PAK2: variants seen among roughly 807,000 people sequenced by gnomAD.
The protein encoded by PAK2 is p21 (RAC1) activated kinase 2, also known as serine/threonine-protein kinase PAK 2.
A neutral mutation model predicts 65.9 loss-of-function variants in PAK2; 21 were observed. That is an observed-to-expected ratio of 0.32 (90% CI 0.23 to 0.46). The LOEUF (loss-of-function observed/expected upper bound fraction) is 0.46, where lower values mean the gene tolerates loss of function less well. Among genes scored for constraint, PAK2 ranks in the 20% least tolerant of loss-of-function variants. The pLI, the probability that PAK2 is intolerant of heterozygous loss-of-function variation, is 1.00. For synonymous variants in PAK2, 204 were observed against 219.7 expected (o/e 0.93, Z 0.63); for missense variants, 324 against 642.6 (o/e 0.50, Z 5.36).
intron 11 of PAK2, 83 bp downstream of exon 11, chr3:196,814,651 A>G (rs1715934738): frequency 9.8e-6 from 7 of 717,912 alleles, no homozygotes; most frequent in African/African-American, 5.4e-5. Flanking sequence ...TGCACAGGTA[A>G]TTGTTATTGT....
rs114281712 is a variant in PAK2 at position 196,753,517 on chromosome 3, A to G, written c.-22+13360A>G. Among the ~76,000 whole-genome samples, 1,521 of 152,338 alleles carry G rather than the reference A, an allele frequency of 1.0e-2. 27 individuals carry two copies. The highest frequency in any genetic ancestry group is 0.035 in the African/African-American group (1,449 of 41,578). Reference sequence around the variant, plus strand: ...CCTAATTATTTCTTTTATCTCGCTAATTACATTTAGTATTAACACAAGTTA... The same window carrying G: ...CCTAATTATTTCTTTTATCTCGCTAGTTACATTTAGTATTAACACAAGTTA... On this transcript the variant is annotated intron_variant, in intron 1 of 14. Coordinates refer to ENST00000327134, the MANE Select transcript of PAK2 (RefSeq NM_002577.4).
chr3:196,807,062 A>G (rs1474559951), intron 6 of PAK2, among the ~76,000 whole-genome samples: 1 of 152,102 alleles, frequency 6.6e-6, no homozygotes, highest in African/African-American at 2.4e-5. Flanking sequence ...CCCATTTTAC[A>G]CTACTCTCAG....
intron 2 of PAK2, among the ~76,000 whole-genome samples, chr3:196,790,695 G>T (rs6806591): frequency 1.3e-5 from 2 of 152,204 alleles, no homozygotes; most frequent in East Asian, 3.9e-4. Context: ...CTGAGAGTCC[G>T]GGCCACTTAC....
At chr3:196,767,637 C>T (rs758837054) in intron 1 of PAK2, among the ~76,000 whole-genome samples, 2 of 151,782 alleles carry the variant, frequency 1.3e-5, no homozygotes, top group East Asian at 3.9e-4. Context: ...TACAGGTGAC[C>T]GCCACCACGC....
intron 11 of PAK2, among the ~76,000 whole-genome samples, chr3:196,815,849 G>A (rs1716010727): frequency 1.3e-5 from 2 of 151,854 alleles, no homozygotes; most frequent in Non-Finnish European, 2.9e-5. Flanking sequence ...CTCAGGTCAA[G>A]CAGGACACTT....
At chr3:196,762,003 T>G (rs1228393933) in intron 1 of PAK2, among the ~76,000 whole-genome samples, 6 of 91,590 alleles carry the variant, frequency 6.6e-5, no homozygotes, top group East Asian at 3.2e-4. Context: ...AGGCAGAGGG[T>G]CTCCTCACTT....
At chr3:196,742,778 T>G (rs145594311) in intron 1 of PAK2, among the ~76,000 whole-genome samples, 2,957 of 152,064 alleles carry the variant, frequency 0.019, 34 homozygotes, top group African/African-American at 0.031. Flanking sequence ...TTAGCCGGGC[T>G]TGGTGGCAGG....
intron 2 of PAK2, among the ~76,000 whole-genome samples, chr3:196,800,685 C>T (rs956936223): frequency 7.9e-5 from 12 of 152,122 alleles, no homozygotes; most frequent in African/African-American, 2.9e-4. Flanking sequence ...CAGAGATAGA[C>T]TCACACGTGT....
In PAK2 at chr3:196,762,726, C is replaced by T. The variant is rs373261398; in HGVS notation, c.-21-19900C>T. On this transcript the variant is annotated intron_variant, in intron 1 of 14. Coordinates refer to ENST00000327134, the MANE Select transcript of PAK2 (RefSeq NM_002577.4). ...AGGAGAACCGCTTTAACCGGGGAGGCGGAGGTTGCAGTGAGCCGAGATCGT... is the reference window on the plus strand; with the variant it reads ...AGGAGAACCGCTTTAACCGGGGAGGTGGAGGTTGCAGTGAGCCGAGATCGT... Among the ~76,000 whole-genome samples the T allele has an allele frequency of 5.6e-5, 8 of 142,006 alleles. No individual in the cohort carries two copies. The East Asian group carries it at 6.6e-4, about 12-fold the overall frequency. 93.2% of individuals were successfully genotyped at this position (142,006 alleles called of 152,430 possible).
rs1712090232 is a variant in PAK2, at chr3:196,831,668, A to G, written c.*3263A>G. ...TTAAATACATGTTTGTATATACTGT[A>G]TTCTAGCCAGAATAATTTTAGATCT... On this transcript the variant is annotated 3_prime_UTR_variant, in exon 15 of 15. Coordinates refer to ENST00000327134, the MANE Select transcript of PAK2 (RefSeq NM_002577.4). 6.6e-6 allele frequency: 1 copy of G among 152,246 alleles called. No individual in the cohort carries two copies. The highest frequency in any genetic ancestry group is 1.5e-5 in the Non-Finnish European group (1 of 68,038). 9.4% of individuals were successfully genotyped at this position (152,246 alleles called of 1,614,324 possible). A position where few individuals can be genotyped will look rare whatever the true frequency, so the allele number is the denominator to read the frequency against.
At chr3:196,819,462 T>A (rs960325040) in intron 12 of PAK2, among the ~76,000 whole-genome samples, 4 of 152,170 alleles carry the variant, frequency 2.6e-5, no homozygotes, top group South Asian at 4.1e-4. Context: ...AAATAAAAAA[T>A]TTTTTAAATA....
chr3:196,782,615 TCCAA>T lies in PAK2; in HGVS notation c.-21-10_-21-7del. ...TTACTTTGTTACTAATTGTATTTTT[TCCAA>T]TTCCAGGCCATTTCATAATTCTGAA... On this transcript the variant is annotated splice_polypyrimidine_tract_variant and splice_region_variant and intron_variant, in intron 1 of 14. Coordinates refer to ENST00000327134, the MANE Select transcript of PAK2 (RefSeq NM_002577.4). The T allele has an allele frequency of 1.4e-6, 2 of 1,397,234 alleles. No individual in the cohort carries two copies. The highest frequency in any genetic ancestry group is 2.1e-5 in the Admixed American group (1 of 46,564). 86.6% of individuals were successfully genotyped at this position (1,397,234 alleles called of 1,614,324 possible).
At chr3:196,822,566 T>C (rs866160005) in intron 13 of PAK2, among the ~76,000 whole-genome samples, 1 of 152,080 alleles carries the variant, frequency 6.6e-6, no homozygotes, top group African/African-American at 2.4e-5. Context: ...AGTGTGTGCC[T>C]GTAGTCACAG....
chr3:196,746,717 G>A (rs974028352), intron 1 of PAK2, among the ~76,000 whole-genome samples: 6 of 151,866 alleles, frequency 4.0e-5, no homozygotes, highest in African/African-American at 1.5e-4. Context: ...GGCTGAGGCA[G>A]GAGAATCGCT....
intron 1 of PAK2, among the ~76,000 whole-genome samples, chr3:196,748,947 A>G (rs1713479084): frequency 6.6e-6 from 1 of 151,990 alleles, no homozygotes; most frequent in African/African-American, 2.4e-5. Context: ...ATAACTCCTC[A>G]TTCTCCTTTC....
chr3:196,810,717 G>A, intron 8 of PAK2, 64 bp downstream of exon 8: 1 of 869,892 alleles, frequency 1.1e-6, no homozygotes, highest in Non-Finnish European at 2.0e-6. Flanking sequence ...TTTATAGCAT[G>A]ATGTTTATTT....
At chr3:196,768,693 G>A (rs993956603) in intron 1 of PAK2, among the ~76,000 whole-genome samples, 7 of 151,598 alleles carry the variant, frequency 4.6e-5, no homozygotes, top group Non-Finnish European at 7.4e-5. Context: ...TTGAGATGGA[G>A]TCTTGCTCTG....
At chr3:196,808,396 A>G (rs945110919) in intron 7 of PAK2, among the ~76,000 whole-genome samples, 2 of 151,558 alleles carry the variant, frequency 1.3e-5, no homozygotes, top group African/African-American at 2.4e-5. Flanking sequence ...CCCCTCCTCT[A>G]CTAAAAATAC....
intron 1 of PAK2, among the ~76,000 whole-genome samples, chr3:196,761,588 C>G (rs1713965694): frequency 7.9e-6 from 1 of 127,276 alleles, no homozygotes; most frequent in East Asian, 2.3e-4. Flanking sequence ...CATCCGATTT[C>G]TCAATCTTTT....
Sources: gnomAD v4.1 joint callset for allele counts (sites outside exome capture counted in the v4.1 genomes callset) on GRCh38, gnomAD v4.1.1 for gene constraint, MANE v1.5 for transcripts, NCBI Gene and HGNC (gene_info 2026-07-23, HGNC 2026-07-21) for gene names.